Variants in PHF14 observed in about 807,000 individuals in gnomAD.
PHF14 encodes the protein PHD finger protein 14.
Under a neutral mutation model 117.9 loss-of-function variants are expected in PHF14, and 55 were observed. The observed-to-expected ratio is 0.47, with a 90% confidence interval of 0.38 to 0.58. The LOEUF is 0.58. PHF14 is among the 20% of genes least tolerant of loss of function. The probability of loss-of-function intolerance (pLI) is 0.00; values close to 1 mark genes in which losing one functional copy is unlikely to be tolerated. For synonymous variants in PHF14, 409 were observed against 368.6 expected (o/e 1.11, Z -1.26); for missense variants, 978 against 1,122.2 (o/e 0.87, Z 1.84).
At chr7:11,144,964 TTG>T (rs1788504200) in intron 17 of PHF14, among the ~76,000 whole-genome samples, 1 of 151,864 alleles carries the variant, frequency 6.6e-6, no homozygotes, top group Non-Finnish European at 1.5e-5. Flanking sequence ...ATGAGGTATT[TTG>T]TGTGGTATAA....
chr7:11,106,217 T>C (rs979778619), intron 16 of PHF14: 2 of 978,486 alleles, frequency 2.0e-6, no homozygotes, highest in African/African-American at 1.8e-5. Context: ...TTTAAGTGAC[T>C]ATTAAATACA....
intron 17 of PHF14, among the ~76,000 whole-genome samples, chr7:11,155,774 T>G (rs7800798): frequency 7.9e-4 from 116 of 146,340 alleles, no homozygotes; most frequent in Middle Eastern, 3.5e-3. Context: ...TTTTTTTTTG[T>G]TTTTTTTTAG....
At chr7:11,006,013 C>T (rs563364794) in intron 4 of PHF14, among the ~76,000 whole-genome samples, 23 of 151,968 alleles carry the variant, frequency 1.5e-4, no homozygotes, top group African/African-American at 4.8e-4. Flanking sequence ...AGGTTGGTCT[C>T]GATCTCCAGA....
At chr7:11,057,005 A>C (rs900487344) in intron 14 of PHF14, among the ~76,000 whole-genome samples, 1 of 151,958 alleles carries the variant, frequency 6.6e-6, no homozygotes, top group Non-Finnish European at 1.5e-5. Context: ...AGCATGTTCT[A>C]TTTTTACATA....
chr7:11,049,822 A>G (rs930566188), intron 13 of PHF14, among the ~76,000 whole-genome samples: 7 of 152,182 alleles, frequency 4.6e-5, no homozygotes, highest in African/African-American at 1.7e-4. Context: ...GAGCAATTTA[A>G]TATATTCGTT....
At chr7:11,131,490 T>A (rs1010552757) in intron 17 of PHF14, among the ~76,000 whole-genome samples, 1 of 151,924 alleles carries the variant, frequency 6.6e-6, no homozygotes, top group Non-Finnish European at 1.5e-5. Flanking sequence ...GTTTTTTAAA[T>A]TGGGTTGTAA....
At chr7:11,109,650 G>T (rs1284219546) in intron 16 of PHF14, 1 of 151,866 alleles carries the variant, frequency 6.6e-6, no homozygotes, top group Non-Finnish European at 1.5e-5. Flanking sequence ...ATAAAATTAT[G>T]TGGGCTTGCC....
At chr7:11,156,651 C>G (rs1292563747) in intron 17 of PHF14, among the ~76,000 whole-genome samples, 1 of 151,910 alleles carries the variant, frequency 6.6e-6, no homozygotes, top group Non-Finnish European at 1.5e-5. Context: ...AAAAATTAGC[C>G]GGGTGTAGTG....
At chr7:11,097,344 AATAG>A (rs1786915840) in intron 16 of PHF14, among the ~76,000 whole-genome samples, 1 of 152,152 alleles carries the variant, frequency 6.6e-6, no homozygotes, top group Non-Finnish European at 1.5e-5. Flanking sequence ...TGACACCTAA[AATAG>A]ATAATATTTT....
chr7:11,039,532 A>G (rs2128323256), intron 11 of PHF14, among the ~76,000 whole-genome samples: 1 of 152,080 alleles, frequency 6.6e-6, no homozygotes, highest in East Asian at 1.9e-4. Flanking sequence ...GTTTTCGCAA[A>G]TATTTTTTAT....
At chr7:11,005,737 G>GTA (rs1298743958) in intron 4 of PHF14, among the ~76,000 whole-genome samples, 8 of 142,926 alleles carry the variant, frequency 5.6e-5, no homozygotes, top group Non-Finnish European at 1.2e-4. Context: ...CATGTGCCAT[G>GTA]TATATATATG....
chr7:10,980,710 C>G (rs73678538), intron 2 of PHF14, among the ~76,000 whole-genome samples: 2 of 152,204 alleles, frequency 1.3e-5, no homozygotes, highest in South Asian at 4.1e-4. Flanking sequence ...TTCTCATACT[C>G]TGTAAATAGG....
chr7:11,076,567 CTTT>C (rs71023886), intron 16 of PHF14, among the ~76,000 whole-genome samples: 3 of 124,732 alleles, frequency 2.4e-5, no homozygotes, highest in Non-Finnish European at 3.3e-5. Flanking sequence ...TTTTCTTTTT[CTTT>C]TTTTTTTTTT....
At chr7:11,112,770 C>CAA (rs1015653840) in intron 17 of PHF14, among the ~76,000 whole-genome samples, 1 of 127,542 alleles carries the variant, frequency 7.8e-6, no homozygotes. Context: ...GACTCCATCT[C>CAA]AAAAAAAAAA....
chr7:11,100,119 A>G (rs1787034215), intron 16 of PHF14, among the ~76,000 whole-genome samples: 1 of 152,004 alleles, frequency 6.6e-6, no homozygotes, highest in Non-Finnish European at 1.5e-5. Context: ...ATTCTGTTTC[A>G]TCTGTTACTC....
In PHF14 at chr7:11,103,542, A is replaced by C. The variant is rs932601506; in HGVS notation, c.2655-7808A>C. ...AGTATGTTGAATATTTCATCACTCAATCTTGAACTGATTTAGAAGAGACTC... is the reference window on the plus strand; with the variant it reads ...AGTATGTTGAATATTTCATCACTCACTCTTGAACTGATTTAGAAGAGACTC... On this transcript the variant is annotated intron_variant, in intron 16 of 17. Transcript: ENST00000634607. The C allele has an allele frequency of 3.0e-6, 3 of 985,068 alleles. No individual in the cohort carries two copies. The African/African-American group carries it at 5.2e-5, about 17-fold the overall frequency. 61.0% of individuals were successfully genotyped at this position (985,068 alleles called of 1,614,324 possible).
At chr7:11,149,482 C>T (rs1176918607) in intron 17 of PHF14, among the ~76,000 whole-genome samples, 2 of 151,926 alleles carry the variant, frequency 1.3e-5, no homozygotes, top group Admixed American at 6.6e-5. Context: ...TACCTTCTAG[C>T]TCTCAAATCT....
At chr7:11,077,930 T>C (rs1180978863) in intron 16 of PHF14, among the ~76,000 whole-genome samples, 1 of 152,214 alleles carries the variant, frequency 6.6e-6, no homozygotes, top group East Asian at 1.9e-4. Context: ...GTTGCTTCTC[T>C]CTTCAGCGTG....
At chr7:10,998,085 A>T (rs1472777897) in intron 4 of PHF14, among the ~76,000 whole-genome samples, 1 of 152,132 alleles carries the variant, frequency 6.6e-6, no homozygotes, top group Non-Finnish European at 1.5e-5. Flanking sequence ...GAAAATAGTG[A>T]GGAAAGAAGG....
Sources: allele counts gnomAD v4.1 joint callset (sites outside exome capture counted in the v4.1 genomes callset), GRCh38; gene constraint gnomAD v4.1.1; transcripts MANE v1.5; gene names NCBI Gene and HGNC (gene_info 2026-07-23, HGNC 2026-07-21).